DRC9: variants seen among roughly 807,000 people sequenced by gnomAD.
DRC9 encodes the protein dynein regulatory complex protein 9.
At chr3:197,956,433 C>T in the DRC9 span, 2 of 152,632 alleles carry the variant, frequency 1.3e-5, no homozygotes, top group South Asian at 2.1e-4. Flanking sequence ...TATTACTCCA[C>T]TCATAAAAAG....
the DRC9 span, among the ~76,000 whole-genome samples, chr3:197,915,801 G>A: frequency 6.6e-6 from 1 of 151,866 alleles, no homozygotes; most frequent in African/African-American, 2.4e-5. Flanking sequence ...AGCTAATTTT[G>A]TATTTTTAGT....
At chr3:197,890,404 CAA>C in the DRC9 span, among the ~76,000 whole-genome samples, 25 of 123,846 alleles carry the variant, frequency 2.0e-4, no homozygotes, top group Non-Finnish European at 1.9e-4. Context: ...GATGCTGTCT[CAA>C]AAAAAAAAAA....
At chr3:197,891,887 G>GT in the DRC9 span, among the ~76,000 whole-genome samples, 1 of 151,980 alleles carries the variant, frequency 6.6e-6, no homozygotes, top group Admixed American at 6.6e-5. Flanking sequence ...TGTCTTTTTT[G>GT]TTTGTTTGTT....
chr3:197,907,379 C>T, the DRC9 span, among the ~76,000 whole-genome samples: 25 of 152,292 alleles, frequency 1.6e-4, no homozygotes, highest in African/African-American at 6.0e-4. Context: ...ACATCTCCAC[C>T]TCATCAAATG....
the DRC9 span, among the ~76,000 whole-genome samples, chr3:197,915,163 C>CAATAAAAAAAAAAAA: frequency 1.4e-5 from 1 of 71,366 alleles, no homozygotes; most frequent in Non-Finnish European, 3.0e-5. Context: ...GATTCTGTCT[C>CAATAAAAAAAAAAAA]AAAAAAAAAA....
chr3:197,929,890 G>A, the DRC9 span, among the ~76,000 whole-genome samples: 7 of 152,042 alleles, frequency 4.6e-5, no homozygotes, highest in Admixed American at 3.3e-4. This position sits in a 1 kb window ranked among gnomAD's most constrained non-coding sequence, Gnocchi z 4.6. Flanking sequence ...CGAGGCAGGC[G>A]GATGAACTCT....
At chr3:197,935,381 G>A in the DRC9 span, among the ~76,000 whole-genome samples, 17 of 151,132 alleles carry the variant, frequency 1.1e-4, no homozygotes, top group South Asian at 2.1e-4. Context: ...CGGAGGTTGC[G>A]TGAGCCGGGA....
chr3:197,946,434 CA>C, the DRC9 span, among the ~76,000 whole-genome samples: 2,954 of 72,526 alleles, frequency 0.041, 61 homozygotes, highest in African/African-American at 0.11. Context: ...GACTCCGTCT[CA>C]AAAAAAAAAA....
chr3:197,957,324 C>T, the DRC9 span: 2 of 152,294 alleles, frequency 1.3e-5, no homozygotes, highest in South Asian at 2.1e-4. Context: ...CTCTGTCACA[C>T]TGGCAGTTCT....
the DRC9 span, chr3:197,914,171 A>G: frequency 1.3e-6 from 1 of 771,490 alleles, no homozygotes. Context: ...CCGCTGTCAC[A>G]CAATGGGAAA....
the DRC9 span, chr3:197,956,920 G>GT: frequency 6.6e-6 from 1 of 152,180 alleles, no homozygotes; most frequent in South Asian, 2.1e-4. Context: ...AGCACAGGTA[G>GT]TTTTTTAAAT....
chr3:197,959,996 T>C, the DRC9 span: 1 of 558,936 alleles, frequency 1.8e-6, no homozygotes, highest in Non-Finnish European at 3.2e-6. Context: ...CCCGCTAGCC[T>C]TTCTTCCTCC....
At chr3:197,924,130 C>T in the DRC9 span, among the ~76,000 whole-genome samples, 1 of 151,548 alleles carries the variant, frequency 6.6e-6, no homozygotes, top group African/African-American at 2.4e-5. Context: ...ACGAGATGGG[C>T]AGATCACCTG....
At chr3:197,954,021 C>G in the DRC9 span, 1 of 1,613,040 alleles carries the variant, frequency 6.2e-7, no homozygotes, top group African/African-American at 1.3e-5. Context: ...TCACTCCTGG[C>G]GGCAAACCAA....
chr3:197,904,299 A>G, the DRC9 span, among the ~76,000 whole-genome samples: 2 of 152,048 alleles, frequency 1.3e-5, no homozygotes, highest in Non-Finnish European at 2.9e-5. Context: ...AATGAATGCT[A>G]GCAAGGCTGT....
chr3:197,950,236 T>G, the DRC9 span: 1 of 1,231,010 alleles, frequency 8.1e-7, no homozygotes, highest in Non-Finnish European at 1.0e-6. Flanking sequence ...GTGAAGGGTC[T>G]GCTGCTGAAA....
At chr3:197,958,681 C>T in the DRC9 span, 2 of 152,238 alleles carry the variant, frequency 1.3e-5, no homozygotes, top group Non-Finnish European at 2.9e-5. Context: ...GAGACTTTAA[C>T]TCGAGTAACT....
At chr3:197,955,722 A>G in the DRC9 span, 2 of 1,575,102 alleles carry the variant, frequency 1.3e-6, no homozygotes, top group Non-Finnish European at 1.7e-6. Flanking sequence ...ACATTCACCT[A>G]ATGTTTTGTG....
the DRC9 span, among the ~76,000 whole-genome samples, chr3:197,944,781 A>G: frequency 6.7e-6 from 1 of 149,578 alleles, no homozygotes; most frequent in Non-Finnish European, 1.5e-5. Context: ...GGGTTTCTCC[A>G]TGTTGGTCAG....
Sources: gnomAD v4.1 joint callset for allele counts (sites outside exome capture counted in the v4.1 genomes callset) on GRCh38, gnomAD v4.1.1 for gene constraint, Gnocchi (gnomAD v3.1) non-coding constraint, MANE v1.5 for transcripts, NCBI Gene and HGNC (gene_info 2026-07-23, HGNC 2026-07-21) for gene names.